The following CDC42BPA variants were observed in gnomAD, a reference collection of about 807,000 sequenced individuals.
The protein encoded by CDC42BPA is serine/threonine-protein kinase MRCK alpha.
Under a neutral mutation model 223.5 loss-of-function variants are expected in CDC42BPA, and 80 were observed. That is an observed-to-expected ratio of 0.36 (90% CI 0.30 to 0.43). The LOEUF (loss-of-function observed/expected upper bound fraction) is 0.43. Ranked by LOEUF, CDC42BPA falls within the 20% of genes least tolerant of loss-of-function variation. The pLI is 1.00. For synonymous variants in CDC42BPA, 694 were observed against 718.6 expected, an observed-to-expected ratio of 0.97 and a Z score of 0.55; for missense variants, 1,743 against 2,099.9, an observed-to-expected ratio of 0.83 and a Z score of 3.32.
intron 35 of CDC42BPA, among the ~76,000 whole-genome samples, chr1:227,003,032 G>T (rs935832034): frequency 6.6e-6 from 1 of 152,080 alleles, no homozygotes; most frequent in Non-Finnish European, 1.5e-5. Flanking sequence ...TGCAGCAAGA[G>T]ATAACTAATA....
intron 1 of CDC42BPA, among the ~76,000 whole-genome samples, chr1:227,282,157 C>T (rs1688113136): frequency 6.9e-6 from 1 of 144,976 alleles, no homozygotes; most frequent in Non-Finnish European, 1.5e-5. Flanking sequence ...CATTGCACTC[C>T]AGCCTGGGCA....
chr1:227,099,215 T>C (rs980417546), intron 15 of CDC42BPA, among the ~76,000 whole-genome samples: 1 of 152,102 alleles, frequency 6.6e-6, no homozygotes, highest in African/African-American at 2.4e-5. Context: ...TTCGTATCGT[T>C]ATCTTAGAGT....
chr1:227,011,486 T>A (rs550472515), intron 34 of CDC42BPA, among the ~76,000 whole-genome samples: 1 of 152,300 alleles, frequency 6.6e-6, no homozygotes, highest in South Asian at 2.1e-4. Context: ...GTTATGAAAC[T>A]GTTTCTTTAG....
intron 34 of CDC42BPA, 23 bp downstream of exon 34, chr1:227,016,057 C>T (rs766111762): frequency 7.8e-7 from 1 of 1,285,630 alleles, no homozygotes; most frequent in East Asian, 2.3e-5. Flanking sequence ...CCCTTTTTTA[C>T]ACTCACTCTT....
chr1:227,097,908 C>G (rs1379505714), intron 15 of CDC42BPA, among the ~76,000 whole-genome samples: 1 of 151,482 alleles, frequency 6.6e-6, no homozygotes, highest in East Asian at 1.9e-4. Flanking sequence ...AAAGGTTAAA[C>G]ACCAAGTCAA....
intron 1 of CDC42BPA, among the ~76,000 whole-genome samples, chr1:227,270,732 C>G (rs1209369263): frequency 6.6e-6 from 1 of 152,122 alleles, no homozygotes; most frequent in African/African-American, 2.4e-5. Context: ...CAATAATTCC[C>G]CATCCCCTCC....
intron 2 of CDC42BPA, among the ~76,000 whole-genome samples, chr1:227,239,070 A>G (rs1679578132): frequency 6.6e-6 from 1 of 152,212 alleles, no homozygotes. Flanking sequence ...CAGTGTATCT[A>G]GACAATGTAA....
At chr1:226,995,047 A>G (rs1291693796) in intron 35 of CDC42BPA, 67 bp from the exon 36 acceptor site, 20 of 1,449,136 alleles carry the variant, frequency 1.4e-5, no homozygotes, top group Non-Finnish European at 1.7e-5. Context: ...AAGCACACAG[A>G]CTGCTGAGCT....
intron 14 of CDC42BPA, among the ~76,000 whole-genome samples, chr1:227,102,986 CT>C (rs1685302332): frequency 6.6e-6 from 1 of 151,970 alleles, no homozygotes; most frequent in Admixed American, 6.6e-5. Context: ...ACCAGTAATT[CT>C]TTTAATTTAA....
At chr1:227,310,483 T>C (rs1452244152) in intron 1 of CDC42BPA, among the ~76,000 whole-genome samples, 1 of 152,100 alleles carries the variant, frequency 6.6e-6, no homozygotes, top group African/African-American at 2.4e-5. Context: ...AAAGCTAAAG[T>C]GCTGCTCTCA....
At chr1:227,310,184 T>C (rs1336745145) in intron 1 of CDC42BPA, among the ~76,000 whole-genome samples, 1 of 152,212 alleles carries the variant, frequency 6.6e-6, no homozygotes, top group Admixed American at 6.5e-5. Context: ...AAAAGCCTAT[T>C]CCATAGTCAG....
intron 10 of CDC42BPA, 84 bp from the exon 11 acceptor site, chr1:227,129,315 A>G (rs1204561207): frequency 4.0e-6 from 4 of 995,128 alleles, no homozygotes; most frequent in Non-Finnish European, 5.9e-6. Flanking sequence ...TTGGAGAGAA[A>G]TTCTTATACA....
intron 15 of CDC42BPA, among the ~76,000 whole-genome samples, 172 bp downstream of exon 15, chr1:227,100,820 T>C (rs1260362855): frequency 1.3e-5 from 2 of 148,982 alleles, no homozygotes; most frequent in African/African-American, 2.5e-5. Context: ...TTGTTCAGAA[T>C]TATCATCCCA....
intron 4 of CDC42BPA, among the ~76,000 whole-genome samples, 156 bp downstream of exon 4, chr1:227,199,401 G>GA (rs145653530): frequency 8.0e-5 from 12 of 149,968 alleles, no homozygotes; most frequent in South Asian, 4.2e-4. Flanking sequence ...TTTCCAGGGA[G>GA]AAAAAAAAAC....
Position 227,213,128 on chromosome 1 carries a change from A to T in CDC42BPA, c.354+8T>A, listed in dbSNP as rs1351190337. The T allele has an allele frequency of 7.4e-7, 1 of 1,346,078 alleles. No homozygotes were observed. Among genetic ancestry groups the T allele is most frequent in the Non-Finnish European group, 1.1e-6 (1 of 951,554 alleles). 83.4% of individuals were successfully genotyped at this position (1,346,078 alleles called of 1,614,324 possible). On this transcript the variant is annotated splice_region_variant and intron_variant, in intron 3 of 36. Coordinates refer to ENST00000366766, the MANE Select transcript of CDC42BPA (RefSeq NM_001394014.1). ...ATATTTATATATTCCAATACATAAGACTCTTACCTCAGCTCTTTTCAGCAT... is the reference window on the plus strand; with the variant it reads ...ATATTTATATATTCCAATACATAAGTCTCTTACCTCAGCTCTTTTCAGCAT...
chr1:227,014,920 G>A (rs770922663), intron 34 of CDC42BPA, among the ~76,000 whole-genome samples: 27 of 152,140 alleles, frequency 1.8e-4, no homozygotes, highest in Non-Finnish European at 2.9e-4. Context: ...CGGTCTGAGA[G>A]CCTAATCTTC....
intron 34 of CDC42BPA, among the ~76,000 whole-genome samples, chr1:227,011,700 T>TTATTTAAAAATATTTAAAAAATTA (rs1665247589): frequency 6.6e-6 from 1 of 152,212 alleles, no homozygotes; most frequent in Admixed American, 6.5e-5. Flanking sequence ...AGGTATATTT[T>TTATTTAAAAATATTTAAAAAATTA]TTAAAAATGA....
intron 34 of CDC42BPA, among the ~76,000 whole-genome samples, chr1:227,012,428 G>A (rs990765069): frequency 1.3e-5 from 2 of 151,822 alleles, no homozygotes; most frequent in African/African-American, 4.8e-5. Context: ...TACAAATAAA[G>A]GTTTGCATCT....
chr1:227,033,428 C>A lies in CDC42BPA; in HGVS notation c.3477-13G>T, dbSNP rs1268633799. 3 of 1,595,362 alleles carry A rather than the reference C, an allele frequency of 1.9e-6. No individual in the cohort carries two copies. The highest frequency in any genetic ancestry group is 2.6e-6 in the Non-Finnish European group (3 of 1,163,044). The stretch of plus-strand genomic sequence containing the variant: ...AAATTCTTCATCCCTGAACGAAAAG[C>A]AAAGCATTAAAAGTTACTATATGTG... On this transcript the variant is annotated splice_polypyrimidine_tract_variant and intron_variant, in intron 26 of 36. Coordinates refer to ENST00000366766, the MANE Select transcript of CDC42BPA (RefSeq NM_001394014.1).
Sources: gnomAD v4.1 joint callset for allele counts (sites outside exome capture counted in the v4.1 genomes callset) on GRCh38, gnomAD v4.1.1 for gene constraint, MANE v1.5 for transcripts, NCBI Gene and HGNC (gene_info 2026-07-23, HGNC 2026-07-21) for gene names.